SHB: variants seen among roughly 807,000 people sequenced by gnomAD.
SHB encodes SH2 domain-containing adapter protein B.
SHB carries 20 observed loss-of-function variants against 52.3 expected under a neutral mutation model. The ratio of observed to expected loss-of-function variants is 0.38; its 90% CI spans 0.27 to 0.56. The LOEUF is 0.56. Ranked by LOEUF, SHB falls within the 20% of genes least tolerant of loss-of-function variation. SHB has a pLI of 0.71. For missense variants in SHB, 825 were observed against 723.3 expected, an observed-to-expected ratio of 1.14 and a Z score of -1.61; for synonymous variants, 397 against 316.5, an observed-to-expected ratio of 1.25 and a Z score of -2.70.
intron 2 of SHB, among the ~76,000 whole-genome samples, chr9:38,013,483 G>A (rs1821168856): frequency 1.3e-5 from 2 of 152,300 alleles, no homozygotes; most frequent in South Asian, 2.1e-4. Context: ...ACGTGCCTAT[G>A]GTCTCAACTA....
chr9:37,938,683 A>T (rs1268085386), intron 5 of SHB, among the ~76,000 whole-genome samples: 1 of 152,154 alleles, frequency 6.6e-6, no homozygotes, highest in Non-Finnish European at 1.5e-5. Context: ...GGCTGCTCAG[A>T]TGCTGGAGAA....
At chr9:37,978,467 A>G (rs946083599) in intron 2 of SHB, among the ~76,000 whole-genome samples, 4 of 152,272 alleles carry the variant, frequency 2.6e-5, no homozygotes, top group African/African-American at 9.6e-5. Flanking sequence ...TGGAATATTA[A>G]GCAGCCATTA....
At chr9:38,035,783 A>C (rs1488928743) in intron 1 of SHB, among the ~76,000 whole-genome samples, 1 of 152,158 alleles carries the variant, frequency 6.6e-6, no homozygotes, top group African/African-American at 2.4e-5. Context: ...AGTGATTCTC[A>C]ACATAGCTGC....
chr9:38,017,543 C>T (rs955805168), intron 1 of SHB, among the ~76,000 whole-genome samples: 16 of 152,242 alleles, frequency 1.1e-4, no homozygotes, highest in African/African-American at 3.9e-4. Context: ...AGCTCTGTCC[C>T]TGGCAAGTGG....
intron 1 of SHB, among the ~76,000 whole-genome samples, chr9:38,051,239 C>T (rs749807527): frequency 2.6e-5 from 4 of 151,754 alleles, no homozygotes; most frequent in Non-Finnish European, 5.9e-5. Flanking sequence ...CAGGAGATCG[C>T]GACCATCCTG....
At chr9:37,930,108 C>T (rs1470837238) in intron 5 of SHB, among the ~76,000 whole-genome samples, 1 of 152,126 alleles carries the variant, frequency 6.6e-6, no homozygotes, top group Non-Finnish European at 1.5e-5. Context: ...TCTCAAAAAA[C>T]AAAACAGAAA....
At chr9:37,936,290 T>C (rs928710373) in intron 5 of SHB, among the ~76,000 whole-genome samples, 1 of 152,142 alleles carries the variant, frequency 6.6e-6, no homozygotes, top group African/African-American at 2.4e-5. Context: ...AACACAAATC[T>C]AAAATAAAAA....
chr9:37,920,204 C>T lies in SHB; in HGVS notation c.1347-200G>A, dbSNP rs12004112. Among the ~76,000 whole-genome samples the T allele has an allele frequency of 8.6e-3, 1,311 of 152,088 alleles. 19 individuals carry two copies. The highest frequency in any genetic ancestry group is 0.029 in the African/African-American group (1,222 of 41,464). On this transcript the variant is annotated intron_variant, in intron 5 of 5. Transcript: ENST00000377707. ...GCACCCCCAATTCCGGCATCTGACC[C>T]GGAACCAGCAGCAGCCGCCACTGCT...
intron 1 of SHB, among the ~76,000 whole-genome samples, chr9:38,048,024 C>A (rs76122895): frequency 6.6e-6 from 1 of 152,210 alleles, no homozygotes; most frequent in Non-Finnish European, 1.5e-5. Flanking sequence ...AGACACTCAG[C>A]GGCTTTGAAG....
intron 1 of SHB, 78 bp downstream of exon 1, chr9:38,067,851 C>A: frequency 7.3e-6 from 10 of 1,377,360 alleles, no homozygotes; most frequent in Non-Finnish European, 9.4e-6. Flanking sequence ...AGACTCAACA[C>A]CAGAGCGGCG....
intron 1 of SHB, among the ~76,000 whole-genome samples, chr9:38,027,230 C>T (rs928048663): frequency 9.2e-5 from 14 of 152,216 alleles, no homozygotes; most frequent in South Asian, 2.1e-4. Flanking sequence ...TGGTGGATTC[C>T]GGGCCCTGAG....
At chr9:37,923,639 C>A (rs1385651408) in intron 5 of SHB, among the ~76,000 whole-genome samples, 3 of 152,230 alleles carry the variant, frequency 2.0e-5, no homozygotes, top group Non-Finnish European at 4.4e-5. Context: ...GCTTCAGTGA[C>A]TCCCACCTTC....
chr9:38,006,555 G>T (rs1821078157), intron 2 of SHB, among the ~76,000 whole-genome samples: 1 of 152,248 alleles, frequency 6.6e-6, no homozygotes, highest in Non-Finnish European at 1.5e-5. Flanking sequence ...GCTGAGGCAG[G>T]CCTGGGGAGG....
At chr9:37,982,345 T>C (rs539814188) in intron 2 of SHB, among the ~76,000 whole-genome samples, 1 of 150,262 alleles carries the variant, frequency 6.7e-6, no homozygotes, top group Admixed American at 6.6e-5. Context: ...ATACAAAAAT[T>C]AGAGGGGTGT....
intron 2 of SHB, among the ~76,000 whole-genome samples, chr9:38,006,353 C>T (rs1821075578): frequency 6.6e-6 from 1 of 152,214 alleles, no homozygotes. Context: ...AATCGTGCCA[C>T]ACCCCTGCAG....
intron 1 of SHB, among the ~76,000 whole-genome samples, chr9:38,023,508 G>A (rs947984014): frequency 1.3e-5 from 2 of 152,202 alleles, no homozygotes; most frequent in African/African-American, 4.8e-5. Context: ...CCCACGAGAA[G>A]ATGAAAATCT....
In SHB at chr9:38,050,054, G is replaced by A. The variant is rs557314866; in HGVS notation, c.717+17875C>T. On this transcript the variant is annotated intron_variant, in intron 1 of 5. Transcript: ENST00000377707. ...GATCCTCCTGTCTTGGCCTCCCAAA[G>A]TGCTGGGATTACAGGCGTAAGCCAC... is the stretch of plus-strand genomic sequence containing the variant. 7.9e-5 allele frequency among the ~76,000 whole-genome samples: 12 copies of A among 152,306 alleles called. No individual in the cohort carries two copies. The South Asian group carries it at 2.5e-3, about 32-fold the overall frequency.
At chr9:38,013,672 C>G (rs1047849909) in intron 2 of SHB, among the ~76,000 whole-genome samples, 1 of 152,242 alleles carries the variant, frequency 6.6e-6, no homozygotes, top group Non-Finnish European at 1.5e-5. Context: ...AGGTCTTCAG[C>G]AGCACCCAGT....
At chr9:37,936,116 C>T (rs942987930) in intron 5 of SHB, among the ~76,000 whole-genome samples, 2 of 151,590 alleles carry the variant, frequency 1.3e-5, no homozygotes, top group Non-Finnish European at 2.9e-5. Context: ...CTCTGGAGGC[C>T]GAGGCAGGAG....
Sources: allele counts gnomAD v4.1 joint callset (sites outside exome capture counted in the v4.1 genomes callset), GRCh38; gene constraint gnomAD v4.1.1; transcripts MANE v1.5; gene names NCBI Gene and HGNC (gene_info 2026-07-23, HGNC 2026-07-21).